EIF2B1: variants seen among roughly 807,000 people sequenced by gnomAD.
EIF2B1 encodes the protein eukaryotic translation initiation factor 2B subunit alpha.
EIF2B1 carries 30 observed loss-of-function variants against 36.8 expected under a neutral mutation model. That is an observed-to-expected ratio of 0.81 (90% CI 0.61 to 1.10). EIF2B1 has a LOEUF of 1.10. Among genes scored for constraint, EIF2B1 ranks in the 50% least tolerant of loss-of-function variants. EIF2B1 has a pLI of 0.00. For synonymous variants in EIF2B1, 139 were observed against 142.2 expected (o/e 0.98, Z 0.16); for missense variants, 271 against 374.8 (o/e 0.72, Z 2.29).
rs1176689673 is a variant in EIF2B1 at position 123,620,448 on chromosome 12, T to C, written c.*1308A>G. On this transcript the variant is annotated 3_prime_UTR_variant, in exon 9 of 9. Coordinates refer to ENST00000424014, the MANE Select transcript of EIF2B1 (RefSeq NM_001414.4). ...AGCCTGGGAACACAGCGAGACCCTCTCATTAAAAACAACAAAACAAAACAA... is the reference window on the plus strand; with the variant it reads ...AGCCTGGGAACACAGCGAGACCCTCCCATTAAAAACAACAAAACAAAACAA... The C allele has an allele frequency of 2.6e-5, 5 of 195,388 alleles. No individual in the cohort carries two copies. 12.1% of individuals were successfully genotyped at this position (195,388 alleles called of 1,614,324 possible).
At position 123,633,595 on chromosome 12, in the gene EIF2B1, CG is replaced by C; in HGVS notation, c.-39del. 1 of 1,605,710 alleles carries C rather than the reference CG, an allele frequency of 6.2e-7. No homozygotes were observed. Among genetic ancestry groups the C allele is most frequent in the Non-Finnish European group, 8.5e-7 (1 of 1,179,894 alleles). ...CTGCGGAGCCCCAGGGGACCCGAGC[CG>C]CCCGCGCTGTCTCGAACGGGTCCGC... On this transcript the variant is annotated 5_prime_UTR_variant, in exon 1 of 9. Transcript: ENST00000424014.
At chr12:123,629,774 CAG>C (rs1955174352) in intron 4 of EIF2B1, among the ~76,000 whole-genome samples, 1 of 152,126 alleles carries the variant, frequency 6.6e-6, no homozygotes, top group Non-Finnish European at 1.5e-5. Context: ...GCCTGGGTGA[CAG>C]AGCAAGACTC....
chr12:123,633,635 T>A lies in EIF2B1; in HGVS notation c.-78A>T. On this transcript the variant is annotated 5_prime_UTR_variant, in exon 1 of 9. Transcript: ENST00000424014. ...GAACGGGTCCGCCGGCCGCGCCGCC[T>A]GCGAGCCAGTCTGACAGCGCGCTGC... The A allele has an allele frequency of 1.3e-6, 2 of 1,590,972 alleles. No homozygotes were observed. The highest frequency in any genetic ancestry group is 1.7e-6 in the Non-Finnish European group (2 of 1,173,990).
chr12:123,620,796 T>C lies in EIF2B1; in HGVS notation c.*960A>G, dbSNP rs998336953. The C allele has an allele frequency of 6.6e-5, 10 of 151,600 alleles. No individual in the cohort carries two copies. Among genetic ancestry groups the C allele is most frequent in the Admixed American group, 4.0e-4 (6 of 15,168 alleles). The allele number at this position is 151,600 out of a possible 1,614,324, so 9.4% of individuals were successfully genotyped here. A position where few individuals can be genotyped will look rare whatever the true frequency, so the allele number is the denominator to read the frequency against. On this transcript the variant is annotated 3_prime_UTR_variant, in exon 9 of 9. Transcript: ENST00000424014. ...TCCTTTGATGTCCTGCAGGGGTGGC[T>C]AATGTGCTGGGGTTTTTCTGTGTTA...
chr12:123,624,782 C>T lies in EIF2B1; in HGVS notation c.627+5G>A. 6.2e-7 allele frequency: 1 copy of T among 1,613,596 alleles called. No individual in the cohort carries two copies. The highest frequency in any genetic ancestry group is 1.7e-5 in the Admixed American group (1 of 60,018). ...CAGGGAACTGGGGAGAACTGATGCT[C>T]TTACCTTGTTAATAATTCCTCCGTT... On this transcript the variant is annotated splice_donor_5th_base_variant and intron_variant, in intron 7 of 8. Transcript: ENST00000424014.
In EIF2B1 at chr12:123,626,490, C is replaced by A. The variant is rs1487804940; in HGVS notation, c.486G>T (p.Lys162Asn). The A allele has an allele frequency of 2.0e-5, 33 of 1,613,950 alleles. No homozygotes were observed. The highest frequency in any genetic ancestry group is 2.7e-5 in the African/African-American group (2 of 74,906). Residue 162 changes from lysine to asparagine, a missense_variant, in exon 6 of 9, where the codon AAG becomes AAT. By Grantham distance (94) the Lys-to-Asn change is moderately conservative (BLOSUM62 0). Transcript: ENST00000424014. The part of the protein sequence containing the change: ...VTESQPDLSG[K>N]KMAKALCHLN... Reference sequence around the variant, plus strand: ...GGTGGCAGAGGGCTTTGGCCATTTTCTTACTGAAGATGACATTTTGAGAAC... The same window carrying A: ...GGTGGCAGAGGGCTTTGGCCATTTTATTACTGAAGATGACATTTTGAGAAC...
chr12:123,626,730 G>A (rs1339560402), intron 5 of EIF2B1: 3 of 637,894 alleles, frequency 4.7e-6, no homozygotes, highest in Non-Finnish European at 8.3e-6. Flanking sequence ...AGGAAAAAAG[G>A]AGGAAGTTTT....
rs1341642203 is a variant in EIF2B1 at position 123,622,672 on chromosome 12, A to C, written c.717T>G (p.Phe239Leu). 6.2e-7 allele frequency: 1 copy of C among 1,614,198 alleles called. No individual in the cohort carries two copies. Among genetic ancestry groups the C allele is most frequent in the Non-Finnish European group, 8.5e-7 (1 of 1,180,002 alleles). ...VAESFKFVRL[F>L]PLNQQDVPDK... ...CTGGGACGTCTTGCTGGTTTAGTGGAAAGAGCCGGACAAACTTGAAACTTT... is the reference window on the plus strand; with the variant it reads ...CTGGGACGTCTTGCTGGTTTAGTGGCAAGAGCCGGACAAACTTGAAACTTT... Residue 239 changes from phenylalanine to leucine, a missense_variant, in exon 8 of 9, where the codon TTT (phenylalanine) becomes TTG (leucine). Coordinates refer to ENST00000424014, the MANE Select transcript of EIF2B1 (RefSeq NM_001414.4).
rs184470082 is a variant in EIF2B1, at chr12:123,620,831, G to A, written c.*925C>T. 1 of 151,720 alleles carries A rather than the reference G, an allele frequency of 6.6e-6. No homozygotes were observed. The highest frequency in any genetic ancestry group is 1.9e-4 in the East Asian group (1 of 5,132). 9.4% of individuals were successfully genotyped at this position (151,720 alleles called of 1,614,324 possible). ...GGGTTTTTCTGTGTTAATAGTCACA[G>A]TATTGTTTTATTGGTGAATAGCTGA... On this transcript the variant is annotated 3_prime_UTR_variant, in exon 9 of 9. Transcript: ENST00000424014.
At chr12:123,625,238 T>C (rs776481211) in intron 6 of EIF2B1, among the ~76,000 whole-genome samples, 2 of 152,124 alleles carry the variant, frequency 1.3e-5, no homozygotes, top group Non-Finnish European at 2.9e-5. Context: ...TGGACAAAAG[T>C]GTTATGCAGT....
intron 6 of EIF2B1, 155 bp downstream of exon 6, chr12:123,626,270 A>T: frequency 2.5e-6 from 2 of 811,422 alleles, no homozygotes; most frequent in South Asian, 3.3e-5. Flanking sequence ...ACAACCTCAT[A>T]ACAAGCTTGC....
Position 123,630,507 on chromosome 12 carries a change from T to C in EIF2B1, c.142A>G (p.Asn48Asp). The C allele has an allele frequency of 6.2e-7, 1 of 1,613,386 alleles. No homozygotes were observed. The highest frequency in any genetic ancestry group is 8.5e-7 in the Non-Finnish European group (1 of 1,179,906). ...KGETIQGLRA[N>D]LTSAIETLCG... is the part of the protein sequence containing the mutation. ...AGGGTTTCTATGGCACTGGTGAGAT[T>C]CGCCCTCAGACCCTGGATTGTCTCC... Residue 48 changes from asparagine to aspartate, a missense_variant, in exon 3 of 9, where the codon AAT (asparagine) becomes GAT (aspartate). Coordinates refer to ENST00000424014, the MANE Select transcript of EIF2B1 (RefSeq NM_001414.4). This position sits in a 1 kb window ranked among gnomAD's most constrained non-coding sequence, Gnocchi z 4.6.
chr12:123,632,672 C>T (rs1195757135), intron 1 of EIF2B1, among the ~76,000 whole-genome samples: 2 of 152,108 alleles, frequency 1.3e-5, no homozygotes, highest in African/African-American at 2.4e-5. Context: ...GGTGGCCGGG[C>T]GCGGTGGCTC....
At chr12:123,623,279 G>C (rs1458300850) in intron 7 of EIF2B1, among the ~76,000 whole-genome samples, 1 of 151,964 alleles carries the variant, frequency 6.6e-6, no homozygotes, top group African/African-American at 2.4e-5. Flanking sequence ...CCAGCTACTA[G>C]GGAGGCTGAA....
At position 123,626,268 on chromosome 12, in the gene EIF2B1, A is replaced by C. The variant is rs564608300; in HGVS notation, c.551+157T>G. On this transcript the variant is annotated intron_variant, in intron 6 of 8. Transcript: ENST00000424014. ...CTTCTTTGTATGCTATCACAACCTC[A>C]TAACAAGCTTGCTGGTTTAGGGCAG... 4.1e-4 allele frequency: 326 copies of C among 802,716 alleles called. 4 individuals are homozygous for C. In the East Asian group the frequency reaches 8.6e-3, roughly 21 times the overall value. The allele number at this position is 802,716 out of a possible 1,614,324, so 49.7% of individuals were successfully genotyped here.
chr12:123,624,133 G>C (rs1473798446), intron 7 of EIF2B1, among the ~76,000 whole-genome samples: 3 of 148,524 alleles, frequency 2.0e-5, no homozygotes, highest in Non-Finnish European at 4.4e-5. Context: ...AAATATTTGT[G>C]TATATATATT....
At chr12:123,632,712 C>T (rs1955206066) in intron 1 of EIF2B1, among the ~76,000 whole-genome samples, 2 of 151,700 alleles carry the variant, frequency 1.3e-5, no homozygotes, top group Admixed American at 1.3e-4. Flanking sequence ...TTTGGGAGTC[C>T]GAGGCGGGCG....
At chr12:123,633,497 C>T (rs747204657) in intron 1 of EIF2B1, 48 bp downstream of exon 1, 5 of 1,613,774 alleles carry the variant, frequency 3.1e-6, no homozygotes, top group South Asian at 1.1e-5. Context: ...GGGGGGACCC[C>T]TGAACGGCGC....
At position 123,626,143 on chromosome 12, in the gene EIF2B1, AAAAC is replaced by A. The variant is rs141248531; in HGVS notation, c.551+278_551+281del. On this transcript the variant is annotated intron_variant, in intron 6 of 8. Coordinates refer to ENST00000424014, the MANE Select transcript of EIF2B1 (RefSeq NM_001414.4). ...GCAAGACTCCATCTCAAAAAAACAAAAAACAAACAAACAAAAACAACAACAACAA... is the reference window on the plus strand; with the variant it reads ...GCAAGACTCCATCTCAAAAAAACAAAAAACAAACAAAAACAACAACAACAA... 2,614 of 446,044 alleles carry A rather than the reference AAAAC, an allele frequency of 5.9e-3. 41 individuals carry two copies. The highest frequency in any genetic ancestry group is 0.044 in the African/African-American group (2,207 of 50,204). 27.6% of individuals were successfully genotyped at this position (446,044 alleles called of 1,614,324 possible).
Sources: gnomAD v4.1 joint callset for allele counts (sites outside exome capture counted in the v4.1 genomes callset) on GRCh38, gnomAD v4.1.1 for gene constraint, Gnocchi (gnomAD v3.1) non-coding constraint, MANE v1.5 for transcripts, NCBI Gene and HGNC (gene_info 2026-07-23, HGNC 2026-07-21) for gene names.